Variants in GABRB1 observed in about 807,000 individuals in gnomAD.
The protein encoded by GABRB1 is gamma-aminobutyric acid type A receptor subunit beta1, also known as gamma-aminobutyric acid receptor subunit beta-1.
GABRB1 carries 17 observed loss-of-function variants against 51.6 expected under a neutral mutation model. The observed-to-expected ratio is 0.33, with a 90% CI of 0.23 to 0.49. The LOEUF is 0.49. GABRB1 is among the 20% of genes least tolerant of loss of function. GABRB1 has a pLI of 0.99. For missense variants in GABRB1, 410 were observed against 600.6 expected, an observed-to-expected ratio of 0.68 and a Z score of 3.32; for synonymous variants, 247 against 218.9, an observed-to-expected ratio of 1.13 and a Z score of -1.14.
chr4:47,296,649 CAAT>C (rs1560319922), intron 4 of GABRB1, among the ~76,000 whole-genome samples: 1 of 152,142 alleles, frequency 6.6e-6, no homozygotes. Flanking sequence ...GACTCCCACA[CAAT>C]AATAATGGGA....
chr4:47,283,537 C>T (rs536118187), intron 4 of GABRB1, among the ~76,000 whole-genome samples: 4 of 150,846 alleles, frequency 2.7e-5, no homozygotes, highest in Middle Eastern at 3.4e-3. Flanking sequence ...AGGAGCCTGC[C>T]GCCACCACGC....
intron 4 of GABRB1, among the ~76,000 whole-genome samples, chr4:47,162,699 G>A (rs1431805106): frequency 6.6e-6 from 1 of 152,026 alleles, no homozygotes; most frequent in African/African-American, 2.4e-5. Flanking sequence ...TAAAATCCGT[G>A]TATCCTGATT....
chr4:47,308,882 A>T (rs1252256106), intron 4 of GABRB1, among the ~76,000 whole-genome samples: 1 of 152,138 alleles, frequency 6.6e-6, no homozygotes, highest in Non-Finnish European at 1.5e-5. Flanking sequence ...TTAAGAAAAG[A>T]TACCACACTT....
At chr4:47,049,875 G>A (rs1426947604) in intron 3 of GABRB1, among the ~76,000 whole-genome samples, 3 of 152,258 alleles carry the variant, frequency 2.0e-5, no homozygotes, top group East Asian at 3.9e-4. Context: ...CGCAGAGGTA[G>A]GCTGTTTGAG....
chr4:47,165,424 C>T (rs949444251), intron 4 of GABRB1, among the ~76,000 whole-genome samples: 2 of 152,034 alleles, frequency 1.3e-5, no homozygotes, highest in African/African-American at 4.8e-5. Context: ...ACTCCTCTAT[C>T]TCCAACAACA....
chr4:47,098,305 G>A lies in GABRB1; in HGVS notation c.241-62944G>A, dbSNP rs111552954. 2.0e-4 allele frequency among the ~76,000 whole-genome samples: 30 copies of A among 152,000 alleles called. 1 individual carries two copies. Among genetic ancestry groups the A allele is most frequent in the African/African-American group, 6.8e-4 (28 of 41,462 alleles). On this transcript the variant is annotated intron_variant, in intron 3 of 8. Coordinates refer to ENST00000295454, the MANE Select transcript of GABRB1 (RefSeq NM_000812.4). ...TTCCTTCCCCACCCCAAATCAATAT[G>A]GGTATCATTTACTCTGGGGGGTTAT... is the stretch of plus-strand genomic sequence containing the variant.
At chr4:47,284,462 C>T (rs1027812432) in intron 4 of GABRB1, among the ~76,000 whole-genome samples, 3 of 152,150 alleles carry the variant, frequency 2.0e-5, no homozygotes, top group Non-Finnish European at 2.9e-5. Context: ...TACTCAACCC[C>T]GAAATTCATA....
intron 4 of GABRB1, among the ~76,000 whole-genome samples, chr4:47,295,727 G>A (rs563892084): frequency 1.3e-5 from 2 of 152,254 alleles, no homozygotes; most frequent in South Asian, 2.1e-4. Flanking sequence ...AGCAAGGCAG[G>A]CCAACATTCA....
intron 5 of GABRB1, among the ~76,000 whole-genome samples, chr4:47,382,354 C>A (rs928155475): frequency 6.6e-6 from 1 of 152,106 alleles, no homozygotes; most frequent in Non-Finnish European, 1.5e-5. Context: ...ATAGACATTG[C>A]CAAATGTCTC....
intron 8 of GABRB1, among the ~76,000 whole-genome samples, chr4:47,412,059 T>C (rs1728776222): frequency 6.6e-6 from 1 of 152,210 alleles, no homozygotes; most frequent in African/African-American, 2.4e-5. Context: ...ACTCTCACTC[T>C]TGATTTATTA....
chr4:47,099,654 T>C (rs1714636700), intron 3 of GABRB1, among the ~76,000 whole-genome samples: 1 of 152,072 alleles, frequency 6.6e-6, no homozygotes, highest in Non-Finnish European at 1.5e-5. Context: ...AAGCAAATGA[T>C]GCTTCTCAGT....
Position 47,426,143 on chromosome 4 carries a change from T to A in GABRB1, c.*125T>A. ...ATTCAGCCATCCAATTGGTTTTAGG[T>A]CTTGCATATCAGTTTTATTACTGCA... On this transcript the variant is annotated 3_prime_UTR_variant, in exon 9 of 9. Coordinates refer to ENST00000295454, the MANE Select transcript of GABRB1 (RefSeq NM_000812.4). 1.4e-6 allele frequency: 1 copy of A among 735,680 alleles called. No individual in the cohort carries two copies. The highest frequency in any genetic ancestry group is 2.2e-6 in the Non-Finnish European group (1 of 457,736). The allele number at this position is 735,680 out of a possible 1,614,324, so 45.6% of individuals were successfully genotyped here.
chr4:47,183,962 T>C (rs1032043963), intron 4 of GABRB1, among the ~76,000 whole-genome samples: 2 of 151,978 alleles, frequency 1.3e-5, no homozygotes, highest in Admixed American at 6.6e-5. Context: ...AGCCCTCAAC[T>C]GGAAGTTCTT....
intron 4 of GABRB1, among the ~76,000 whole-genome samples, chr4:47,281,869 G>A (rs1430952719): frequency 1.3e-5 from 2 of 152,156 alleles, no homozygotes; most frequent in African/African-American, 4.8e-5. Flanking sequence ...AAAGGTGGCT[G>A]AGTGGGGAGA....
At chr4:47,132,333 C>T (rs997089050) in intron 3 of GABRB1, among the ~76,000 whole-genome samples, 1 of 151,952 alleles carries the variant, frequency 6.6e-6, no homozygotes, top group Non-Finnish European at 1.5e-5. Context: ...CTCTCCAATG[C>T]CCTTGGGCTT....
At chr4:47,132,405 TG>T (rs1716460014) in intron 3 of GABRB1, among the ~76,000 whole-genome samples, 4 of 143,796 alleles carry the variant, frequency 2.8e-5, no homozygotes, top group South Asian at 2.1e-4. Flanking sequence ...TGGTTTGGTT[TG>T]GTTTGGTTTG....
chr4:47,218,312 C>T (rs1027476734), intron 4 of GABRB1, among the ~76,000 whole-genome samples: 2 of 151,770 alleles, frequency 1.3e-5, no homozygotes, highest in Admixed American at 1.3e-4. Flanking sequence ...GTGCAGCTAT[C>T]CCTTTGATAT....
At chr4:47,394,337 C>T (rs1728107980) in intron 5 of GABRB1, among the ~76,000 whole-genome samples, 2 of 152,212 alleles carry the variant, frequency 1.3e-5, no homozygotes, top group South Asian at 4.1e-4. Context: ...TTTCTCTCCA[C>T]AGAGTCTCTA....
intron 5 of GABRB1, among the ~76,000 whole-genome samples, chr4:47,325,450 T>G (rs79400532): frequency 7.9e-6 from 1 of 126,266 alleles, no homozygotes; most frequent in African/African-American, 2.9e-5. Flanking sequence ...AAAAAAAAAA[T>G]CAAAGACTTC....
Sources: gnomAD v4.1 joint callset for allele counts (sites outside exome capture counted in the v4.1 genomes callset) on GRCh38, gnomAD v4.1.1 for gene constraint, MANE v1.5 for transcripts, NCBI Gene and HGNC (gene_info 2026-07-23, HGNC 2026-07-21) for gene names.